KCND3: variants seen among roughly 807,000 people sequenced by gnomAD.
KCND3 encodes the protein potassium voltage-gated channel subfamily D member 3, also known as A-type voltage-gated potassium channel KCND3.
In KCND3, 9 loss-of-function variants were observed where a neutral mutation model predicts 51.1. That is an observed-to-expected ratio of 0.18 (90% CI 0.11 to 0.31). The LOEUF is 0.31. KCND3 is among the 10% of genes least tolerant of loss of function. KCND3 has a pLI of 1.00. For missense variants in KCND3, 526 were observed against 903.8 expected (o/e 0.58, Z 5.36); for synonymous variants, 349 against 368.0 (o/e 0.95, Z 0.59).
chr1:111,912,316 T>G (rs12754872), intron 2 of KCND3, among the ~76,000 whole-genome samples: 22,077 of 152,258 alleles, frequency 0.14, 1,835 homozygotes, highest in South Asian at 0.26. Flanking sequence ...ATAGTCATCT[T>G]AACACTGTAG....
chr1:111,915,766 C>A (rs4279852), intron 2 of KCND3, among the ~76,000 whole-genome samples: 29,361 of 116,802 alleles, frequency 0.25, 3,833 homozygotes, highest in Non-Finnish European at 0.33. Context: ...AAAAAAAAAA[C>A]AAAAAAAAAA....
At chr1:111,865,483 T>A (rs1668514965) in intron 2 of KCND3, among the ~76,000 whole-genome samples, 2 of 152,192 alleles carry the variant, frequency 1.3e-5, no homozygotes, top group African/African-American at 2.4e-5. Flanking sequence ...CAGGGACATG[T>A]CCCACCAGAA....
chr1:111,822,443 A>G (rs1666394185), intron 2 of KCND3, among the ~76,000 whole-genome samples: 1 of 152,216 alleles, frequency 6.6e-6, no homozygotes, highest in Non-Finnish European at 1.5e-5. Flanking sequence ...AATACTTCAT[A>G]TAAGTAGACT....
Position 111,930,672 on chromosome 1 carries a change from A to G in KCND3, c.1106+50949T>C, listed in dbSNP as rs1571864965. Among the ~76,000 whole-genome samples the G allele has an allele frequency of 2.0e-5, 3 of 152,026 alleles. No homozygotes were observed. The South Asian group carries it at 6.2e-4, about 32-fold the overall frequency. The stretch of plus-strand genomic sequence containing the variant: ...GGCTGCACCCAAGTGTAGAAAAAAA[A>G]AAAGGCATCTTGGCTTAACCCTGTG... On this transcript the variant is annotated intron_variant, in intron 2 of 7. Transcript: ENST00000302127.
At chr1:111,815,928 T>C (rs1666069237) in intron 2 of KCND3, among the ~76,000 whole-genome samples, 1 of 151,930 alleles carries the variant, frequency 6.6e-6, no homozygotes, top group Non-Finnish European at 1.5e-5. Flanking sequence ...GCCCAGCCCC[T>C]ACCTCCACTG....
At chr1:111,782,101 C>T (rs1374613884) in intron 3 of KCND3, among the ~76,000 whole-genome samples, 3 of 152,158 alleles carry the variant, frequency 2.0e-5, no homozygotes, top group Non-Finnish European at 2.9e-5. Context: ...TCAGCATGGA[C>T]CCTAAGCAGG....
intron 2 of KCND3, among the ~76,000 whole-genome samples, chr1:111,813,322 C>T (rs895707533): frequency 1.2e-4 from 18 of 152,268 alleles, no homozygotes; most frequent in African/African-American, 4.1e-4. Context: ...ATTTAATTTC[C>T]CTTTAGAAAA....
chr1:111,902,805 A>G (rs1405799989), intron 2 of KCND3, among the ~76,000 whole-genome samples: 1 of 152,220 alleles, frequency 6.6e-6, no homozygotes, highest in Non-Finnish European at 1.5e-5. Flanking sequence ...AGTACCTAAT[A>G]CTGTGCCTGG....
chr1:111,985,310 C>T (rs1675211962), intron 1 of KCND3, among the ~76,000 whole-genome samples: 1 of 152,066 alleles, frequency 6.6e-6, no homozygotes, highest in South Asian at 2.1e-4. Context: ...CATGTTTTGC[C>T]CACAAAAGAA....
intron 2 of KCND3, among the ~76,000 whole-genome samples, chr1:111,897,657 C>T (rs1670186530): frequency 6.6e-6 from 1 of 152,162 alleles, no homozygotes; most frequent in Admixed American, 6.5e-5. Context: ...CACATGGGCT[C>T]ACTTGTAAGT....
In KCND3 at chr1:111,982,790, C is replaced by T; in HGVS notation, c.-64G>A. The T allele has an allele frequency of 6.4e-7, 1 of 1,551,640 alleles. No homozygotes were observed. Among genetic ancestry groups the T allele is most frequent in the Non-Finnish European group, 8.7e-7 (1 of 1,155,580 alleles). On this transcript the variant is annotated 5_prime_UTR_variant, in exon 2 of 8. Transcript: ENST00000302127. The surrounding 1 kb of genome is among the most constrained non-coding windows in gnomAD (Gnocchi z 8.5). ...TAGGCACACCAGCTTGGAGTTAGTTCAGCAAACCCTGGGAGACAGGAGGGG... is the reference window on the plus strand; with the variant it reads ...TAGGCACACCAGCTTGGAGTTAGTTTAGCAAACCCTGGGAGACAGGAGGGG...
intron 2 of KCND3, among the ~76,000 whole-genome samples, chr1:111,798,045 A>G (rs1334631259): frequency 6.6e-6 from 1 of 152,116 alleles, no homozygotes; most frequent in Non-Finnish European, 1.5e-5. Flanking sequence ...TACTTATTGT[A>G]CCTATTCGTC....
chr1:111,924,531 G>T (rs1057414609), intron 2 of KCND3, among the ~76,000 whole-genome samples: 2 of 152,188 alleles, frequency 1.3e-5, no homozygotes, highest in Admixed American at 6.5e-5. Flanking sequence ...GGGCTCAGGG[G>T]TTGTCCAATG....
intron 2 of KCND3, among the ~76,000 whole-genome samples, chr1:111,881,440 T>C (rs1288007684): frequency 6.6e-6 from 1 of 152,254 alleles, no homozygotes; most frequent in Non-Finnish European, 1.5e-5. Flanking sequence ...CACAGGGCTT[T>C]GCTCTCTCAT....
At chr1:111,823,335 T>C (rs1666430914) in intron 2 of KCND3, among the ~76,000 whole-genome samples, 1 of 152,190 alleles carries the variant, frequency 6.6e-6, no homozygotes, top group African/African-American at 2.4e-5. Flanking sequence ...ACAGTGACAG[T>C]GGCCAAAGCC....
At chr1:111,928,045 C>T (rs1449855749) in intron 2 of KCND3, among the ~76,000 whole-genome samples, 2 of 152,208 alleles carry the variant, frequency 1.3e-5, no homozygotes, top group Non-Finnish European at 2.9e-5. Flanking sequence ...ATGCTCTAGC[C>T]CTGCTCTAGT....
chr1:111,886,521 G>A (rs751788800), intron 2 of KCND3, among the ~76,000 whole-genome samples: 5 of 152,180 alleles, frequency 3.3e-5, no homozygotes, highest in Admixed American at 1.3e-4. Flanking sequence ...GGAGGGTTAG[G>A]GGCTTTTTGT....
At chr1:111,838,008 A>G (rs600551) in intron 2 of KCND3, among the ~76,000 whole-genome samples, 132,271 of 152,130 alleles carry the variant, frequency 0.87, 57,939 homozygotes, top group East Asian at 1. Flanking sequence ...TGATCCACAT[A>G]ACGCGTCACT....
In KCND3 at chr1:111,801,048, G is replaced by A. The variant is rs644329; in HGVS notation, c.1107-13942C>T. Among the ~76,000 whole-genome samples the A allele has an allele frequency of 5.1e-3, 779 of 152,286 alleles. 8 individuals carry two copies. Among genetic ancestry groups the A allele is most frequent in the African/African-American group, 0.018 (734 of 41,556 alleles). ...GCCTGTACCCTGTTTCTCTTTCTCC[G>A]TATGTTCACACAAAAGCCTTCTCCC... On this transcript the variant is annotated intron_variant, in intron 2 of 7. Transcript: ENST00000302127.
Sources: gnomAD v4.1 joint callset for allele counts (sites outside exome capture counted in the v4.1 genomes callset) on GRCh38, gnomAD v4.1.1 for gene constraint, Gnocchi (gnomAD v3.1) non-coding constraint, MANE v1.5 for transcripts, NCBI Gene and HGNC (gene_info 2026-07-23, HGNC 2026-07-21) for gene names.